Variants in EIF4G3 observed in about 807,000 individuals in gnomAD.
EIF4G3 encodes eIF-4-gamma 3.
In EIF4G3, 34 loss-of-function variants were observed where a neutral mutation model predicts 186.4. The observed-to-expected ratio is 0.18, with a 90% CI of 0.14 to 0.24. The LOEUF is 0.24. Among genes scored for constraint, EIF4G3 ranks in the 10% least tolerant of loss-of-function variants. The pLI, the probability that EIF4G3 is intolerant of heterozygous loss-of-function variation, is 1.00. For synonymous variants in EIF4G3, 673 were observed against 679.5 expected, an observed-to-expected ratio of 0.99 and a Z score of 0.15; for missense variants, 1,536 against 1,948.5, an observed-to-expected ratio of 0.79 and a Z score of 3.99.
intron 3 of EIF4G3, among the ~76,000 whole-genome samples, chr1:21,073,972 T>C (rs2095514270): frequency 6.6e-6 from 1 of 152,188 alleles, no homozygotes. Flanking sequence ...GTTTCTCTAT[T>C]TCTAAACACT....
chr1:21,079,663 G>A (rs1336147826), intron 3 of EIF4G3, among the ~76,000 whole-genome samples: 1 of 149,684 alleles, frequency 6.7e-6, no homozygotes, highest in Non-Finnish European at 1.5e-5. Flanking sequence ...CAGCCTGGAT[G>A]ACACAGTAAG....
intron 7 of EIF4G3, among the ~76,000 whole-genome samples, chr1:20,992,585 A>C (rs2081359045): frequency 6.6e-6 from 1 of 152,172 alleles, no homozygotes; most frequent in Middle Eastern, 3.2e-3. Context: ...TATGAAGCTC[A>C]TTATTTGTTT....
intron 4 of EIF4G3, among the ~76,000 whole-genome samples, chr1:21,044,649 G>A (rs10916925): frequency 8.1e-6 from 1 of 124,186 alleles, no homozygotes; most frequent in Admixed American, 8.1e-5. Context: ...TTTTTTTTTT[G>A]TTTTTTTTTT....
At chr1:21,162,407 C>T (rs988871002) in intron 2 of EIF4G3, among the ~76,000 whole-genome samples, 3 of 150,612 alleles carry the variant, frequency 2.0e-5, no homozygotes, top group African/African-American at 7.3e-5. Context: ...TGAGATCACA[C>T]CACAGCACTC....
At position 21,044,917 on chromosome 1, in the gene EIF4G3, G is replaced by A. The variant is rs886196677; in HGVS notation, c.-67+5949C>T. Among the ~76,000 whole-genome samples, 6 of 152,208 alleles carry A rather than the reference G, an allele frequency of 3.9e-5. No homozygotes were observed. In the East Asian group the frequency reaches 1.2e-3, roughly 29 times the overall value. On this transcript the variant is annotated intron_variant, in intron 4 of 36. Coordinates refer to ENST00000602326, the MANE Select transcript of EIF4G3 (RefSeq NM_001391906.1). ...GGCTGAGGCTGGAGGACTGTATGAG[G>A]CCAGGATTTAGAAACAAAACCTGCC...
intron 30 of EIF4G3, among the ~76,000 whole-genome samples, chr1:20,831,611 CTTT>C (rs1214626702): frequency 7.3e-6 from 1 of 137,534 alleles, no homozygotes; most frequent in Non-Finnish European, 1.6e-5. Context: ...CTTACTTTTT[CTTT>C]TTTTTTTTTA....
chr1:21,176,124 T>C (rs2098099097), intron 2 of EIF4G3, 51 bp downstream of exon 2: 2 of 329,560 alleles, frequency 6.1e-6, no homozygotes, highest in African/African-American at 2.2e-5. Context: ...GGGGTCCCCC[T>C]GGACTGCGAC....
At chr1:20,809,568 A>C (rs1434557772) in intron 36 of EIF4G3, among the ~76,000 whole-genome samples, 1 of 152,244 alleles carries the variant, frequency 6.6e-6, no homozygotes, top group African/African-American at 2.4e-5. Context: ...ATTAGCCAAG[A>C]ATTAATCATA....
At chr1:20,857,312 G>A (rs1356374496) in intron 25 of EIF4G3, 91 bp downstream of exon 25, 2 of 1,054,352 alleles carry the variant, frequency 1.9e-6, no homozygotes, top group Non-Finnish European at 2.9e-6. Flanking sequence ...GACACGTTTT[G>A]CAACTATTGT....
At chr1:21,049,089 A>T (rs147326203) in intron 4 of EIF4G3, among the ~76,000 whole-genome samples, 1 of 152,322 alleles carries the variant, frequency 6.6e-6, no homozygotes, top group Non-Finnish European at 1.5e-5. Flanking sequence ...TCTGTGGGAA[A>T]CAGATATGCA....
chr1:20,942,943 C>A (rs1168716981), intron 13 of EIF4G3, among the ~76,000 whole-genome samples: 1 of 152,106 alleles, frequency 6.6e-6, no homozygotes, highest in Non-Finnish European at 1.5e-5. Flanking sequence ...AAATCAGTTT[C>A]TAAATTAATT....
At chr1:20,809,162 G>A (rs2058734167) in intron 36 of EIF4G3, among the ~76,000 whole-genome samples, 2 of 151,994 alleles carry the variant, frequency 1.3e-5, no homozygotes, top group East Asian at 1.9e-4. Flanking sequence ...TAGTAGAGAC[G>A]GGGTTTCACC....
chr1:20,845,394 G>A (rs1204580705), intron 29 of EIF4G3, among the ~76,000 whole-genome samples: 1 of 152,152 alleles, frequency 6.6e-6, no homozygotes, highest in Non-Finnish European at 1.5e-5. Context: ...TGGGCGCGGT[G>A]GCTCACGCCT....
At chr1:20,834,043 C>G (rs113190730) in intron 30 of EIF4G3, among the ~76,000 whole-genome samples, 166 of 152,188 alleles carry the variant, frequency 1.1e-3, no homozygotes, top group African/African-American at 3.9e-3. Context: ...TCAAAAATAA[C>G]CAGAAAACAA....
intron 30 of EIF4G3, among the ~76,000 whole-genome samples, chr1:20,832,149 G>C (rs1393909124): frequency 6.8e-6 from 1 of 146,102 alleles, no homozygotes; most frequent in African/African-American, 2.5e-5. Flanking sequence ...GGGTCAAATG[G>C]TATTTCCAGT....
At chr1:20,815,425 G>GC (rs1436491421) in intron 34 of EIF4G3, among the ~76,000 whole-genome samples, 1 of 146,564 alleles carries the variant, frequency 6.8e-6, no homozygotes, top group Non-Finnish European at 1.5e-5. Flanking sequence ...GAGCGCCTCT[G>GC]CCCCGCCGCC....
chr1:20,920,482 G>C (rs2094402948), intron 14 of EIF4G3, among the ~76,000 whole-genome samples: 1 of 152,124 alleles, frequency 6.6e-6, no homozygotes, highest in Non-Finnish European at 1.5e-5. Context: ...GGATAGAAGA[G>C]AGAATAGAAT....
chr1:21,036,838 G>A (rs1326747163), intron 4 of EIF4G3, among the ~76,000 whole-genome samples: 1 of 152,060 alleles, frequency 6.6e-6, no homozygotes, highest in African/African-American at 2.4e-5. Flanking sequence ...CCAAGATCGT[G>A]CCACTGCACT....
At chr1:20,989,015 A>C (rs931314990) in intron 7 of EIF4G3, among the ~76,000 whole-genome samples, 2 of 119,454 alleles carry the variant, frequency 1.7e-5, no homozygotes, top group African/African-American at 6.5e-5. Flanking sequence ...AGCCCAGGTA[A>C]CATCGTGAGA....
Sources: allele counts gnomAD v4.1 joint callset (sites outside exome capture counted in the v4.1 genomes callset), GRCh38; gene constraint gnomAD v4.1.1; transcripts MANE v1.5; gene names NCBI Gene and HGNC (gene_info 2026-07-23, HGNC 2026-07-21).